The following NSD1 variants were observed in gnomAD, a reference collection of about 807,000 sequenced individuals.
The protein encoded by NSD1 is histone-lysine N-methyltransferase, H3 lysine-36 specific.
NSD1 carries 26 observed loss-of-function variants against 242.7 expected under a neutral mutation model. The observed-to-expected ratio is 0.11, with a 90% CI of 0.08 to 0.15. NSD1 has a LOEUF of 0.15. Among genes scored for constraint, NSD1 ranks in the 10% least tolerant of loss-of-function variants. The pLI is 1.00. For synonymous variants in NSD1, 1,106 were observed against 1,178.1 expected, an observed-to-expected ratio of 0.94 and a Z score of 1.25; for missense variants, 2,495 against 3,272.8, an observed-to-expected ratio of 0.76 and a Z score of 5.80.
At chr5:177,266,589 C>T in intron 14 of NSD1, 1 of 680,414 alleles carries the variant, frequency 1.5e-6, no homozygotes, top group Non-Finnish European at 2.2e-6. Context: ...CGGCCGCCAT[C>T]TTCACCCGCA....
At chr5:177,160,215 C>G (rs1758630399) in intron 2 of NSD1, among the ~76,000 whole-genome samples, 1 of 152,036 alleles carries the variant, frequency 6.6e-6, no homozygotes, top group South Asian at 2.1e-4. Context: ...CTTGTGATGT[C>G]TTTGTCTGGT....
chr5:177,166,169 T>C (rs1421119036), intron 2 of NSD1, among the ~76,000 whole-genome samples: 1 of 150,850 alleles, frequency 6.6e-6, no homozygotes, highest in Non-Finnish European at 1.5e-5. Context: ...CACCTTGGCC[T>C]CCCAAAGTGC....
At chr5:177,140,231 G>A (rs1725214687) in intron 2 of NSD1, among the ~76,000 whole-genome samples, 1 of 152,162 alleles carries the variant, frequency 6.6e-6, no homozygotes, top group Non-Finnish European at 1.5e-5. Context: ...TCTTCCCAGT[G>A]TACAAAGGTT....
Position 177,211,471 on chromosome 5 carries a change from A to G in NSD1, c.3072A>G (p.Ser1024=). The change falls in exon 5 of 23, where the codon TCA becomes TCG. Residue 1024 remains serine, a synonymous_variant. Coordinates refer to ENST00000439151, the MANE Select transcript of NSD1 (RefSeq NM_022455.5). ...DCVTRRNCGR[S]KPSSKLRDAF... is the part of the protein sequence containing the mutation. ...TTACTAGGCGCAACTGTGGACGATCAAAGCCTTCATCCAAATTGCGAGATG... is the reference window on the plus strand; with the variant it reads ...TTACTAGGCGCAACTGTGGACGATCGAAGCCTTCATCCAAATTGCGAGATG... The G allele has an allele frequency of 1.2e-6, 2 of 1,614,172 alleles. No homozygotes were observed. Among genetic ancestry groups the G allele is most frequent in the African/African-American group, 1.3e-5 (1 of 75,046 alleles).
chr5:177,293,454 A>G (rs1760005218), intron 22 of NSD1, among the ~76,000 whole-genome samples: 1 of 152,186 alleles, frequency 6.6e-6, no homozygotes, highest in African/African-American at 2.4e-5. Flanking sequence ...AAAGCTGTAT[A>G]GTACAAATGG....
At position 177,297,060 on chromosome 5, in the gene NSD1, T is replaced by C. The variant is rs910842501; in HGVS notation, c.*1601T>C. The C allele has an allele frequency of 8.6e-6, 2 of 233,182 alleles. No individual in the cohort carries two copies. The highest frequency in any genetic ancestry group is 2.2e-5 in the African/African-American group (1 of 45,366). The allele number at this position is 233,182 out of a possible 1,614,324, so 14.4% of individuals were successfully genotyped here. Reference sequence around the variant, plus strand: ...AATTCCACGGAGGGAACAGTAGTTATTATAGAAGCATTTGCGCTTTATCTA... The same window carrying C: ...AATTCCACGGAGGGAACAGTAGTTACTATAGAAGCATTTGCGCTTTATCTA... On this transcript the variant is annotated 3_prime_UTR_variant, in exon 23 of 23. Transcript: ENST00000439151.
Position 177,211,375 on chromosome 5 carries a change from T to A in NSD1, c.2976T>A (p.Ser992=), listed in dbSNP as rs571152693. The change falls in exon 5 of 23, where the codon TCT becomes TCA. Residue 992 remains serine (S), a synonymous_variant. Transcript: ENST00000439151. ...GGDSALSGEL[S]ASLPGLLSDK... ...ACTCTGCATTATCTGGCGAGTTGTC[T>A]GCTTCCCTACCTGGCTTACTGTCCG... 4.8e-5 allele frequency: 77 copies of A among 1,614,026 alleles called. No individual in the cohort carries two copies. The highest frequency in any genetic ancestry group is 5.9e-5 in the Non-Finnish European group (70 of 1,180,032).
chr5:177,210,487 A>G lies in NSD1; in HGVS notation c.2088A>G (p.Val696=), dbSNP rs759229297. The G allele has an allele frequency of 1.9e-6, 3 of 1,614,228 alleles. No homozygotes were observed. Among genetic ancestry groups the G allele is most frequent in the South Asian group, 2.2e-5 (2 of 91,088 alleles). Residue 696 remains valine (V), a synonymous_variant, in exon 5 of 23, where the codon GTA becomes GTG. Transcript: ENST00000439151. ...YSRFAATNTR[V]KAKQKPLISN... ...GGTTTGCTGCCACAAACACTAGGGTAAAAGCAAAACAGAAGCCTCTCATTA... is the reference window on the plus strand; with the variant it reads ...GGTTTGCTGCCACAAACACTAGGGTGAAAGCAAAACAGAAGCCTCTCATTA...
At chr5:177,171,664 T>G (rs1324649014) in intron 2 of NSD1, among the ~76,000 whole-genome samples, 1 of 152,218 alleles carries the variant, frequency 6.6e-6, no homozygotes, top group East Asian at 1.9e-4. Context: ...TTGTAGTAAC[T>G]CTATTTGCCT....
chr5:177,286,816 C>A (rs1336221395), intron 20 of NSD1, among the ~76,000 whole-genome samples: 1 of 152,214 alleles, frequency 6.6e-6, no homozygotes, highest in Non-Finnish European at 1.5e-5. Flanking sequence ...TGTCTAGCCA[C>A]AAATTTCTCT....
At chr5:177,204,363 T>C (rs1441634596) in intron 4 of NSD1, 71 bp downstream of exon 4, 9 of 1,415,902 alleles carry the variant, frequency 6.4e-6, no homozygotes, top group Non-Finnish European at 7.9e-6. Flanking sequence ...TGGCCTCTTA[T>C]TTATTTTCGA....
chr5:177,261,172 C>A (rs1439420973), intron 14 of NSD1, among the ~76,000 whole-genome samples: 1 of 151,662 alleles, frequency 6.6e-6, no homozygotes, highest in East Asian at 1.9e-4. Flanking sequence ...CCGGTTCAAG[C>A]GATTCTACTG....
In NSD1 at chr5:177,246,791, T is replaced by G. The variant is rs773741114; in HGVS notation, c.4492T>G (p.Ser1498Ala). The change falls in exon 10 of 23, where the codon TCA becomes GCA. Residue 1498 changes from serine (S) to alanine (A), a missense_variant. Physicochemically the swap from Ser to Ala is moderately conservative, Grantham distance 99 (BLOSUM62 1). This residue lies in a region of NSD1 where 97 missense variants were observed against 97.7 expected (regional missense o/e 0.99). Transcript: ENST00000439151. ...NDDSSKEIPG[S>A]EGELMPHRTA... ...TGACTCGTCAAAAGAGATTCCAGGC[T>G]CAGAGGTATTACTCAGTTCCTGATC... The G allele has an allele frequency of 6.2e-7, 1 of 1,606,222 alleles. No homozygotes were observed. The highest frequency in any genetic ancestry group is 8.5e-7 in the Non-Finnish European group (1 of 1,173,008).
At position 177,211,344 on chromosome 5, in the gene NSD1, G is replaced by T. The variant is rs779087886; in HGVS notation, c.2945G>T (p.Gly982Val). The stretch of plus-strand genomic sequence containing the variant: ...AACTCCGCCAATCCTAGCCCTAGTG[G>T]GGGTGACTCTGCATTATCTGGCGAG... ...TQNSANPSPS[G>V]GDSALSGELS... The change falls in exon 5 of 23, where the codon GGG becomes GTG. Residue 982 changes from glycine to valine, a missense_variant. Physicochemically the swap from Gly to Val is moderately radical, Grantham distance 109. Around this residue, in one of 19 missense-constraint regions of NSD1, gnomAD observed 426 missense variants for 411.4 expected, o/e 1.04. Transcript: ENST00000439151. 3.7e-6 allele frequency: 6 copies of T among 1,614,078 alleles called. No individual in the cohort carries two copies. The highest frequency in any genetic ancestry group is 4.5e-5 in the East Asian group (2 of 44,878).
rs1325943730 is a variant in NSD1, at chr5:177,204,025, A to G, written c.1064-95A>G. The stretch of plus-strand genomic sequence containing the variant: ...CAGTGGGCATGTTAGTTGTTTCCAG[A>G]CAGTCTTCTTTGGCGGCAATGATGT... On this transcript the variant is annotated intron_variant, in intron 3 of 22. Transcript: ENST00000439151. The G allele has an allele frequency of 1.4e-5, 17 of 1,210,780 alleles. No individual in the cohort carries two copies. In the East Asian group the frequency reaches 4.0e-4, roughly 28 times the overall value. 75.0% of individuals were successfully genotyped at this position (1,210,780 alleles called of 1,614,324 possible).
chr5:177,136,095 A>G, intron 2 of NSD1, 65 bp downstream of exon 2: 1 of 1,412,512 alleles, frequency 7.1e-7, no homozygotes, highest in Non-Finnish European at 9.9e-7. Flanking sequence ...ACTTAAAGGG[A>G]AACTTGTAAC....
chr5:177,266,401 G>T, intron 14 of NSD1: 1 of 652,918 alleles, frequency 1.5e-6, no homozygotes, highest in Non-Finnish European at 2.9e-6. Flanking sequence ...GCTTGTGTCC[G>T]AGCCCACATC....
In NSD1 at chr5:177,210,666, A is replaced by T. The variant is rs139085502; in HGVS notation, c.2267A>T (p.Asn756Ile). Residue 756 changes from asparagine (N) to isoleucine (I), a missense_variant, in exon 5 of 23, where the codon AAC becomes ATC. By Grantham distance (149) the Asn-to-Ile change is moderately radical (BLOSUM62 -3). Transcript: ENST00000439151. ...AATGATGCTCTCTCTCCAAAATTCAACCTGTCATCAAGCATATCCAGTGAG... is the reference window on the plus strand; with the variant it reads ...AATGATGCTCTCTCTCCAAAATTCATCCTGTCATCAAGCATATCCAGTGAG... The part of the protein sequence containing the change: ...FTNDALSPKF[N>I]LSSSISSENS... The T allele has an allele frequency of 1.2e-6, 2 of 1,614,128 alleles. No individual in the cohort carries two copies. Among genetic ancestry groups the T allele is most frequent in the South Asian group, 2.2e-5 (2 of 91,076 alleles).
chr5:177,185,384 G>A (rs919715285), intron 2 of NSD1, among the ~76,000 whole-genome samples: 13 of 151,808 alleles, frequency 8.6e-5, no homozygotes, highest in African/African-American at 3.1e-4. Flanking sequence ...GATCACCTGA[G>A]GTCAGGAGTT....
Sources: allele counts gnomAD v4.1 joint callset (sites outside exome capture counted in the v4.1 genomes callset), GRCh38; gene constraint gnomAD v4.1.1; regional missense constraint gnomAD v4.1.1; transcripts MANE v1.5; gene names NCBI Gene and HGNC (gene_info 2026-07-23, HGNC 2026-07-21).